Variants in RGS6 observed in about 807,000 individuals in gnomAD.
RGS6 encodes the protein regulator of G-protein signaling 6.
A neutral mutation model predicts 78.5 loss-of-function variants in RGS6; 30 were observed. The ratio of observed to expected loss-of-function variants is 0.38; its 90% CI spans 0.29 to 0.52. The LOEUF is 0.52. Ranked by LOEUF, RGS6 falls within the 20% of genes least tolerant of loss-of-function variation. The pLI, the probability that RGS6 is intolerant of heterozygous loss-of-function variation, is 0.85. For synonymous variants in RGS6, 206 were observed against 206.0 expected (o/e 1.00, Z 0.00); for missense variants, 495 against 609.7 (o/e 0.81, Z 1.98).
intron 13 of RGS6, among the ~76,000 whole-genome samples, chr14:72,496,531 C>T (rs1333679381): frequency 2.6e-5 from 4 of 152,116 alleles, no homozygotes; most frequent in African/African-American, 4.8e-5. Flanking sequence ...TAAGAAAATG[C>T]GTAGTGCCCA....
the RGS6 span, among the ~76,000 whole-genome samples, chr14:72,588,590 A>G: frequency 6.6e-6 from 1 of 152,128 alleles, no homozygotes; most frequent in South Asian, 2.1e-4. Context: ...CCTTCTGAGT[A>G]ATGAGCATTA....
At chr14:72,488,805 C>T (rs2096534065) in intron 12 of RGS6, among the ~76,000 whole-genome samples, 1 of 152,186 alleles carries the variant, frequency 6.6e-6, no homozygotes, top group Admixed American at 6.5e-5. Flanking sequence ...GTCCACAGGA[C>T]CTGACCTGGC....
chr14:72,167,427 C>T (rs1375015309), intron 2 of RGS6, among the ~76,000 whole-genome samples: 2 of 152,228 alleles, frequency 1.3e-5, no homozygotes, highest in African/African-American at 4.8e-5. Flanking sequence ...CAAGTTACAG[C>T]ACCCACCCAC....
At chr14:72,306,774 A>C (rs1595593547) in intron 2 of RGS6, among the ~76,000 whole-genome samples, 1 of 152,256 alleles carries the variant, frequency 6.6e-6, no homozygotes, top group African/African-American at 2.4e-5. Flanking sequence ...TGGATGAGTA[A>C]AGAAAGTGGT....
intron 12 of RGS6, among the ~76,000 whole-genome samples, chr14:72,483,466 C>T (rs1237246470): frequency 2.0e-5 from 3 of 152,116 alleles, no homozygotes; most frequent in East Asian, 1.9e-4. Flanking sequence ...GTTCTTCCTC[C>T]ACCTCCTGAC....
At chr14:72,229,384 G>A (rs1041045064) in intron 2 of RGS6, among the ~76,000 whole-genome samples, 6 of 150,960 alleles carry the variant, frequency 4.0e-5, no homozygotes, top group East Asian at 2.0e-4. Context: ...GGAAAATCAC[G>A]TCTCTGGTGG....
the RGS6 span, among the ~76,000 whole-genome samples, chr14:71,870,432 G>A: frequency 6.6e-6 from 1 of 152,146 alleles, no homozygotes; most frequent in African/African-American, 2.4e-5. Flanking sequence ...GGGTATAGGA[G>A]GGTGTGATTT....
intron 2 of RGS6, among the ~76,000 whole-genome samples, chr14:72,087,696 C>T (rs1052877381): frequency 2.0e-5 from 3 of 151,546 alleles, no homozygotes; most frequent in African/African-American, 7.3e-5. Context: ...TGAGGTGAGC[C>T]CATGAGTAAA....
At chr14:71,940,042 G>C (rs2090257301) in intron 1 of RGS6, among the ~76,000 whole-genome samples, 1 of 152,176 alleles carries the variant, frequency 6.6e-6, no homozygotes, top group African/African-American at 2.4e-5. Flanking sequence ...CACAGGATAA[G>C]TCCAGGGACC....
chr14:72,310,200 G>T lies in RGS6; in HGVS notation c.85-41895G>T, dbSNP rs116773561. Among the ~76,000 whole-genome samples the T allele has an allele frequency of 6.7e-3, 1,028 of 152,298 alleles. 13 individuals are homozygous for T. Among genetic ancestry groups the T allele is most frequent in the African/African-American group, 0.024 (995 of 41,560 alleles). The stretch of plus-strand genomic sequence containing the variant: ...GATCTAGTCGGGGTCCAGGACTGCT[G>T]CTCCAAGGCCGCCAAGACTCTTTCC... On this transcript the variant is annotated intron_variant, in intron 2 of 17. Coordinates refer to ENST00000553525, the MANE Select transcript of RGS6 (RefSeq NM_001204424.2).
At chr14:72,241,169 A>AAC in intron 2 of RGS6, among the ~76,000 whole-genome samples, 1 of 151,848 alleles carries the variant, frequency 6.6e-6, no homozygotes, top group East Asian at 1.9e-4. Flanking sequence ...AAAAAAAAAA[A>AAC]AACAAAACTT....
intron 2 of RGS6, among the ~76,000 whole-genome samples, chr14:71,965,878 A>G (rs2153054802): frequency 6.6e-6 from 1 of 152,372 alleles, no homozygotes; most frequent in South Asian, 2.1e-4. Flanking sequence ...AGTCTGGATT[A>G]AAAATGACTT....
chr14:71,920,623 G>A, the RGS6 span, among the ~76,000 whole-genome samples: 88 of 108,058 alleles, frequency 8.1e-4, 1 homozygote, highest in African/African-American at 2.7e-3. Context: ...TCTTGCATGC[G>A]CACACGCGCG....
At chr14:72,469,621 C>A (rs1206079824) in intron 7 of RGS6, 1 of 159,854 alleles carries the variant, frequency 6.3e-6, no homozygotes, top group African/African-American at 2.4e-5. Context: ...GAAATCCAGC[C>A]TTTGGTTTTG....
At chr14:72,096,461 A>G (rs568600879) in intron 2 of RGS6, among the ~76,000 whole-genome samples, 48 of 152,152 alleles carry the variant, frequency 3.2e-4, no homozygotes, top group Non-Finnish European at 6.0e-4. Flanking sequence ...TGGGCTACAA[A>G]TGTCAATATC....
chr14:72,461,666 T>C (rs1157831148), intron 6 of RGS6, among the ~76,000 whole-genome samples: 2 of 152,072 alleles, frequency 1.3e-5, no homozygotes, highest in Non-Finnish European at 2.9e-5. Flanking sequence ...CCCTCCAGCC[T>C]GGGTGATAGA....
At chr14:72,279,451 C>T (rs1330169165) in intron 2 of RGS6, among the ~76,000 whole-genome samples, 13 of 152,140 alleles carry the variant, frequency 8.5e-5, no homozygotes, top group Admixed American at 6.5e-4. Context: ...CACTGTGGCA[C>T]TTCTGCCTTC....
At chr14:72,358,399 C>T (rs2080808210) in intron 3 of RGS6, among the ~76,000 whole-genome samples, 1 of 152,246 alleles carries the variant, frequency 6.6e-6, no homozygotes, top group Non-Finnish European at 1.5e-5. Flanking sequence ...ACACTAAACA[C>T]CAGCTGTGCA....
At chr14:72,236,525 T>C (rs1001523602) in intron 2 of RGS6, among the ~76,000 whole-genome samples, 14 of 152,348 alleles carry the variant, frequency 9.2e-5, no homozygotes, top group African/African-American at 3.1e-4. Flanking sequence ...TCTTTTTTTT[T>C]CTCCAATTTA....
Sources: allele counts gnomAD v4.1 joint callset (sites outside exome capture counted in the v4.1 genomes callset), GRCh38; gene constraint gnomAD v4.1.1; transcripts MANE v1.5; gene names NCBI Gene and HGNC (gene_info 2026-07-23, HGNC 2026-07-21).